Variants in STX8 observed in about 807,000 individuals in gnomAD.
STX8 encodes the protein syntaxin-8.
Under a neutral mutation model 37.5 loss-of-function variants are expected in STX8, and 23 were observed. That is an observed-to-expected ratio of 0.61 (90% confidence interval 0.44 to 0.87). The LOEUF is 0.87. STX8 is among the 40% of genes least tolerant of loss of function. The pLI, the probability that STX8 is intolerant of heterozygous loss-of-function variation, is 0.00. For synonymous variants in STX8, 115 were observed against 99.1 expected, an observed-to-expected ratio of 1.16 and a Z score of -0.95; for missense variants, 313 against 284.7, an observed-to-expected ratio of 1.10 and a Z score of -0.71.
intron 7 of STX8, among the ~76,000 whole-genome samples, chr17:9,323,630 C>G (rs1392135295): frequency 6.6e-6 from 1 of 150,986 alleles, no homozygotes; most frequent in Non-Finnish European, 1.5e-5. Context: ...TCTCAGGGCA[C>G]CAGAAAGAGA....
In STX8 at chr17:9,431,453, G is replaced by GT. The variant is rs568603260; in HGVS notation, c.542-52801dup. ...TTGTTGTTGTTGTTGTTGTTGTTTT[G>GT]TTTTTTTTGTTTTTTTGTTTTTTAG... On this transcript the variant is annotated intron_variant, in intron 6 of 7. Transcript: ENST00000306357. Among the ~76,000 whole-genome samples the GT allele has an allele frequency of 2.3e-3, 263 of 115,404 alleles. 2 individuals are homozygous for GT. In the Middle Eastern group the frequency reaches 0.033, roughly 15 times the overall value. The allele number at this position is 115,404 out of a possible 152,430, so 75.7% of individuals were successfully genotyped here. A position where few individuals can be genotyped will look rare whatever the true frequency, so the allele number is the denominator to read the frequency against.
intron 7 of STX8, among the ~76,000 whole-genome samples, chr17:9,296,325 G>A (rs1335878890): frequency 3.8e-4 from 41 of 108,000 alleles, no homozygotes; most frequent in African/African-American, 1.3e-3. Context: ...CAGCCTGGGC[G>A]ACAGAGACTC....
In STX8 at chr17:9,270,149, A is replaced by C. The variant is rs1021582775; in HGVS notation, c.644-19504T>G. ...CATAATACATATGCAACATATATTT[A>C]TGTTTTTGTTGATTGGATAGCAGCT... On this transcript the variant is annotated intron_variant, in intron 7 of 7. Coordinates refer to ENST00000306357, the MANE Select transcript of STX8 (RefSeq NM_004853.3). Among the ~76,000 whole-genome samples the C allele has an allele frequency of 3.9e-5, 6 of 152,348 alleles. 1 individual carries two copies. Among genetic ancestry groups the C allele is most frequent in the Admixed American group, 3.9e-4 (6 of 15,298 alleles).
At chr17:9,370,590 G>T in intron 7 of STX8, among the ~76,000 whole-genome samples, 1 of 152,174 alleles carries the variant, frequency 6.6e-6, no homozygotes, top group East Asian at 1.9e-4. Flanking sequence ...TGTCAGCTGG[G>T]TTGATTTCTA....
At chr17:9,375,813 T>C (rs897354118) in intron 7 of STX8, among the ~76,000 whole-genome samples, 1 of 152,192 alleles carries the variant, frequency 6.6e-6, no homozygotes, top group Non-Finnish European at 1.5e-5. Flanking sequence ...GAGGTCTATA[T>C]CTCTATTATC....
intron 4 of STX8, among the ~76,000 whole-genome samples, chr17:9,532,459 C>T (rs1885006452): frequency 6.6e-6 from 1 of 151,884 alleles, no homozygotes; most frequent in Admixed American, 6.6e-5. Context: ...TGCATGTATC[C>T]TTGGATACGT....
At chr17:9,562,112 A>AC (rs1299510117) in intron 2 of STX8, among the ~76,000 whole-genome samples, 1 of 151,616 alleles carries the variant, frequency 6.6e-6, no homozygotes, top group Non-Finnish European at 1.5e-5. Context: ...TTAAAAAAAA[A>AC]AAAACTTTCG....
intron 7 of STX8, among the ~76,000 whole-genome samples, chr17:9,327,225 AAGGAGGAAGGAGGACAG>A (rs1391346245): frequency 6.6e-4 from 98 of 148,074 alleles, no homozygotes; most frequent in African/African-American, 2.3e-3. Flanking sequence ...AAGGAGGAAG[AAGGAGGAAGGAGGACAG>A]AGGAGGAAGG....
At chr17:9,372,078 T>G (rs993533784) in intron 7 of STX8, among the ~76,000 whole-genome samples, 1 of 152,202 alleles carries the variant, frequency 6.6e-6, no homozygotes, top group Non-Finnish European at 1.5e-5. Flanking sequence ...GCCAGGCACC[T>G]CGAGCTATAA....
At chr17:9,534,523 G>A (rs973280739) in intron 4 of STX8, among the ~76,000 whole-genome samples, 2 of 152,176 alleles carry the variant, frequency 1.3e-5, no homozygotes, top group African/African-American at 4.8e-5. Flanking sequence ...AGGCGTGGTG[G>A]CTCACACCTA....
At chr17:9,357,181 C>T (rs1025172400) in intron 7 of STX8, among the ~76,000 whole-genome samples, 16 of 151,666 alleles carry the variant, frequency 1.1e-4, no homozygotes, top group African/African-American at 2.9e-4. Flanking sequence ...GCCAGGCTGG[C>T]GGTCTCAAAC....
intron 6 of STX8, among the ~76,000 whole-genome samples, chr17:9,433,296 CT>C (rs746162743): frequency 9.2e-5 from 14 of 152,200 alleles, no homozygotes; most frequent in Non-Finnish European, 1.8e-4. Flanking sequence ...TAACCCAAGT[CT>C]TTAGTTTCAA....
intron 7 of STX8, among the ~76,000 whole-genome samples, chr17:9,345,956 A>G (rs1053339634): frequency 2.9e-5 from 4 of 139,680 alleles, no homozygotes; most frequent in Non-Finnish European, 6.1e-5. Flanking sequence ...GGTTCAAGTG[A>G]TTCTCCTGCC....
chr17:9,432,329 A>G (rs1387963911), intron 6 of STX8, among the ~76,000 whole-genome samples: 1 of 152,210 alleles, frequency 6.6e-6, no homozygotes, highest in Non-Finnish European at 1.5e-5. Context: ...TGCTGGCTAA[A>G]TATCTCAGGT....
At chr17:9,281,615 GAC>G (rs1907885833) in intron 7 of STX8, among the ~76,000 whole-genome samples, 1 of 152,188 alleles carries the variant, frequency 6.6e-6, no homozygotes, top group Admixed American at 6.5e-5. Context: ...CTGTGAAGCA[GAC>G]ACAGTCCCTT....
At chr17:9,328,559 G>A in intron 7 of STX8, among the ~76,000 whole-genome samples, 1 of 152,184 alleles carries the variant, frequency 6.6e-6, no homozygotes, top group East Asian at 1.9e-4. Context: ...CACAGTGTGT[G>A]CTAAGCAGAA....
chr17:9,442,929 G>A (rs1386498238), intron 6 of STX8, among the ~76,000 whole-genome samples: 10 of 152,134 alleles, frequency 6.6e-5, no homozygotes, highest in Non-Finnish European at 1.5e-5. Context: ...AGGTATGGAT[G>A]ATAATGTTAA....
At chr17:9,567,364 C>T (rs754974015) in intron 2 of STX8, among the ~76,000 whole-genome samples, 56 of 152,170 alleles carry the variant, frequency 3.7e-4, no homozygotes, top group Non-Finnish European at 7.1e-4. Context: ...GATTAGTCTA[C>T]ACTTAAAAAG....
intron 6 of STX8, 139 bp downstream of exon 6, chr17:9,491,690 C>T: frequency 1.4e-6 from 1 of 703,952 alleles, no homozygotes. Flanking sequence ...ACAACCCCCA[C>T]TCCAATGCGT....
Sources: gnomAD v4.1 joint callset for allele counts (sites outside exome capture counted in the v4.1 genomes callset) on GRCh38, gnomAD v4.1.1 for gene constraint, MANE v1.5 for transcripts, NCBI Gene and HGNC (gene_info 2026-07-23, HGNC 2026-07-21) for gene names.